The following PRXL2B variants were observed in gnomAD, a reference collection of about 807,000 sequenced individuals.
PRXL2B encodes the protein prostamide/prostaglandin F synthase.
PRXL2B carries 26 observed loss-of-function variants against 24.4 expected under a neutral mutation model. The observed-to-expected ratio is 1.07, with a 90% CI of 0.78 to 1.48. The LOEUF (loss-of-function observed/expected upper bound fraction) is 1.48. Ranked by LOEUF, PRXL2B falls within the 40% of genes most tolerant of loss-of-function variation. The pLI, the probability that PRXL2B is intolerant of heterozygous loss-of-function variation, is 0.00. For missense variants in PRXL2B, 269 were observed against 264.8 expected (o/e 1.02, Z -0.11); for synonymous variants, 115 against 118.9 (o/e 0.97, Z 0.21).
chr1:2,587,086 G>A lies in PRXL2B; in HGVS notation c.64-5G>A, dbSNP rs1337424402. 6.6e-7 allele frequency: 1 copy of A among 1,513,226 alleles called. No individual in the cohort carries two copies. Among genetic ancestry groups the A allele is most frequent in the Non-Finnish European group, 8.8e-7 (1 of 1,138,928 alleles). The allele number at this position is 1,513,226 out of a possible 1,614,324, so 93.7% of individuals were successfully genotyped here. ...GGGCGCGCCCATGACCCAGCCGCCC[G>A]GCAGGCCGTGGAGCTGCGGAGCCTG... On this transcript the variant is annotated splice_region_variant and splice_polypyrimidine_tract_variant and intron_variant, in intron 1 of 6. Coordinates refer to ENST00000419916, the MANE Select transcript of PRXL2B (RefSeq NM_152371.5). The surrounding 1 kb of genome is among the most constrained non-coding windows in gnomAD (Gnocchi z 6.1).
rs1239376124 is a variant in PRXL2B, at chr1:2,586,797, T to A, written c.-89T>A. ...GGGGCGGGGCTTGGGGCTGGATCTA[T>A]GAGCCGGGAGCGGGGATCCAGGAGC... is the stretch of plus-strand genomic sequence containing the variant. On this transcript the variant is annotated 5_prime_UTR_variant, in exon 1 of 7. The change abolishes an upstream ATG in the 5' untranslated region. Transcript: ENST00000419916. 5 of 1,257,516 alleles carry A rather than the reference T, an allele frequency of 4.0e-6. No homozygotes were observed. The highest frequency in any genetic ancestry group is 5.0e-6 in the Non-Finnish European group (5 of 1,003,718). 77.9% of individuals were successfully genotyped at this position (1,257,516 alleles called of 1,614,324 possible).
rs1351450026 is a variant in PRXL2B, at chr1:2,591,211, C to G, written c.*1784C>G. On this transcript the variant is annotated 3_prime_UTR_variant, in exon 7 of 7. Coordinates refer to ENST00000419916, the MANE Select transcript of PRXL2B (RefSeq NM_152371.5). ...GCCTAATGGCTCATGTCAGTATGAG[C>G]AGAAACATTTCAACCATGAGATAAA... 4.5e-6 allele frequency: 3 copies of G among 661,974 alleles called. No individual in the cohort carries two copies. Among genetic ancestry groups the G allele is most frequent in the Admixed American group, 6.2e-5 (2 of 32,034 alleles). 41.0% of individuals were successfully genotyped at this position (661,974 alleles called of 1,614,324 possible).
chr1:2,587,850 C>A lies in PRXL2B; in HGVS notation c.320+58C>A, dbSNP rs1359485970. ...GGGTGGGGGGCCCAGGGGTTCCCAC[C>A]GCTCCCTGCCACCTCCTCTCCCTGC... On this transcript the variant is annotated intron_variant, in intron 3 of 6. Transcript: ENST00000419916. The surrounding 1 kb of genome is among the most constrained non-coding windows in gnomAD (Gnocchi z 6.1). 2.6e-6 allele frequency: 4 copies of A among 1,535,144 alleles called. No individual in the cohort carries two copies. Among genetic ancestry groups the A allele is most frequent in the East Asian group, 2.4e-5 (1 of 41,846 alleles).
Position 2,587,819 on chromosome 1 carries a change from A to C in PRXL2B, c.320+27A>C. 2 of 844,954 alleles carry C rather than the reference A, an allele frequency of 2.4e-6. No homozygotes were observed. Among genetic ancestry groups the C allele is most frequent in the Non-Finnish European group, 3.7e-6 (2 of 546,380 alleles). 52.3% of individuals were successfully genotyped at this position (844,954 alleles called of 1,614,324 possible). On this transcript the variant is annotated intron_variant, in intron 3 of 6. Coordinates refer to ENST00000419916, the MANE Select transcript of PRXL2B (RefSeq NM_152371.5). This position sits in a 1 kb window ranked among gnomAD's most constrained non-coding sequence, Gnocchi z 6.1. ...TGAGTGGGGGCGGGAACCCTTGGGTAGCGTGGGGTGGGGGGCCCAGGGGTT... is the reference window on the plus strand; with the variant it reads ...TGAGTGGGGGCGGGAACCCTTGGGTCGCGTGGGGTGGGGGGCCCAGGGGTT...
At position 2,588,425 on chromosome 1, in the gene PRXL2B, G is replaced by C; in HGVS notation, c.356G>C (p.Gly119Ala). 6.2e-7 allele frequency: 1 copy of C among 1,614,200 alleles called. No individual in the cohort carries two copies. The highest frequency in any genetic ancestry group is 8.5e-7 in the Non-Finnish European group (1 of 1,180,044). Residue 119 changes from glycine (G) to alanine (A), a missense_variant, in exon 4 of 7, where the codon GGG becomes GCG. Gly to Ala is a moderately conservative substitution (Grantham distance 60). Coordinates refer to ENST00000419916, the MANE Select transcript of PRXL2B (RefSeq NM_152371.5). ...NSLSILPAAL[G>A]KPVRDVAAKA... is the part of the protein sequence containing the mutation. ...CTGAGCATCCTCCCAGCAGCTCTGG[G>C]GAAGCCCGTGCGTGATGTGGCTGCC...
Position 2,586,853 on chromosome 1 carries a change from G to C in PRXL2B, c.-33G>C, listed in dbSNP as rs758884215. 2 of 1,285,760 alleles carry C rather than the reference G, an allele frequency of 1.6e-6. No individual in the cohort carries two copies. The allele number at this position is 1,285,760 out of a possible 1,614,324, so 79.6% of individuals were successfully genotyped here. ...GCCGGGAGCGGGGAACAGGGAGTCG[G>C]GGAGCCGGGAACCAGGGCTGGCAGC... On this transcript the variant is annotated 5_prime_UTR_variant, in exon 1 of 7. Coordinates refer to ENST00000419916, the MANE Select transcript of PRXL2B (RefSeq NM_152371.5).
intron 3 of PRXL2B, among the ~76,000 whole-genome samples, chr1:2,588,165 C>T (rs1644573718): frequency 6.6e-6 from 1 of 152,170 alleles, no homozygotes; most frequent in Non-Finnish European, 1.5e-5. Context: ...CATCCATGCT[C>T]CCTGCACCCT....
At position 2,587,828 on chromosome 1, in the gene PRXL2B, T is replaced by TGGGGGGGGGG; in HGVS notation, c.320+42_320+43insGGGGGGGGGG. On this transcript the variant is annotated intron_variant, in intron 3 of 6. Coordinates refer to ENST00000419916, the MANE Select transcript of PRXL2B (RefSeq NM_152371.5). The surrounding 1 kb of genome is among the most constrained non-coding windows in gnomAD (Gnocchi z 6.1). ...GCGGGAACCCTTGGGTAGCGTGGGG[T>TGGGGGGGGGG]GGGGGGCCCAGGGGTTCCCACCGCT... 3 of 558,712 alleles carry TGGGGGGGGGG rather than the reference T, an allele frequency of 5.4e-6. No individual in the cohort carries two copies. Among genetic ancestry groups the TGGGGGGGGGG allele is most frequent in the Non-Finnish European group, 9.4e-6 (3 of 320,606 alleles). 34.6% of individuals were successfully genotyped at this position (558,712 alleles called of 1,614,324 possible).
intron 3 of PRXL2B, among the ~76,000 whole-genome samples, chr1:2,588,110 G>A (rs1644572280): frequency 1.3e-5 from 2 of 152,192 alleles, no homozygotes; most frequent in South Asian, 4.1e-4. Flanking sequence ...TTGCTTGGCA[G>A]TTGCCAGCTG....
chr1:2,586,780 G>C lies in PRXL2B; in HGVS notation c.-106G>C. 2 of 1,251,470 alleles carry C rather than the reference G, an allele frequency of 1.6e-6. No individual in the cohort carries two copies. The allele number at this position is 1,251,470 out of a possible 1,614,324, so 77.5% of individuals were successfully genotyped here. The stretch of plus-strand genomic sequence containing the variant: ...CGGGACCGGGGCATCTCGGGGCGGG[G>C]CTTGGGGCTGGATCTATGAGCCGGG... On this transcript the variant is annotated 5_prime_UTR_variant, in exon 1 of 7. Coordinates refer to ENST00000419916, the MANE Select transcript of PRXL2B (RefSeq NM_152371.5).
chr1:2,586,650 G>A (rs1225176600), upstream of PRXL2B: 1 of 1,009,064 alleles, frequency 9.9e-7, no homozygotes, highest in East Asian at 3.3e-5. Flanking sequence ...GCAGGGCTCG[G>A]GGTGCGGTCG....
rs1214808051 is a variant in PRXL2B at position 2,589,048 on chromosome 1, G to A, written c.579+8G>A. On this transcript the variant is annotated splice_region_variant and intron_variant, in intron 6 of 6. Coordinates refer to ENST00000419916, the MANE Select transcript of PRXL2B (RefSeq NM_152371.5). ...GCCAGCGACCCGCCTCAGGTGAGCT[G>A]GGCCTTGGGGGCGCTGCCTGCCAGC... The A allele has an allele frequency of 6.2e-7, 1 of 1,610,950 alleles. No individual in the cohort carries two copies. The highest frequency in any genetic ancestry group is 1.7e-5 in the Admixed American group (1 of 59,912).
In PRXL2B at chr1:2,587,282, C is replaced by T; in HGVS notation, c.255C>T (p.Asp85=). Residue 85 remains aspartate, a synonymous_variant, in exon 2 of 7, where the codon GAC becomes GAT. Coordinates refer to ENST00000419916, the MANE Select transcript of PRXL2B (RefSeq NM_152371.5). The surrounding 1 kb of genome is among the most constrained non-coding windows in gnomAD (Gnocchi z 6.1). The part of the protein sequence containing the change: ...ALGLQEFLDG[D]YFAGELYLDE... The stretch of plus-strand genomic sequence containing the variant: ...GTCTGCAGGAGTTCCTGGACGGCGA[C>T]TACTTCGCGGGAGGTGCGTCCTGTT... The T allele has an allele frequency of 6.4e-7, 1 of 1,569,772 alleles. No homozygotes were observed. The highest frequency in any genetic ancestry group is 8.6e-7 in the Non-Finnish European group (1 of 1,164,086).
chr1:2,587,889 G>C lies in PRXL2B; in HGVS notation c.320+97G>C. 2 of 1,398,902 alleles carry C rather than the reference G, an allele frequency of 1.4e-6. No individual in the cohort carries two copies. The highest frequency in any genetic ancestry group is 2.5e-5 in the East Asian group (1 of 40,432). 86.7% of individuals were successfully genotyped at this position (1,398,902 alleles called of 1,614,324 possible). A position where few individuals can be genotyped will look rare whatever the true frequency, so the allele number is the denominator to read the frequency against. ...TCCTCTCCCTGCTGCCCTCTGTGGTGCTGTCCACTCGGGCCTTCCTGGGCA... is the reference window on the plus strand; with the variant it reads ...TCCTCTCCCTGCTGCCCTCTGTGGTCCTGTCCACTCGGGCCTTCCTGGGCA... On this transcript the variant is annotated intron_variant, in intron 3 of 6. Transcript: ENST00000419916. The surrounding 1 kb of genome is among the most constrained non-coding windows in gnomAD (Gnocchi z 6.1).
At position 2,588,386 on chromosome 1, in the gene PRXL2B, G is replaced by A. The variant is rs376956428; in HGVS notation, c.321-4G>A. On this transcript the variant is annotated splice_polypyrimidine_tract_variant and splice_region_variant and intron_variant, in intron 3 of 6. Transcript: ENST00000419916. ...TTTGGCCAAGCGACCTGGTGTCTTC[G>A]CAGGTACAACAGCCTGAGCATCCTC... The A allele has an allele frequency of 2.4e-5, 38 of 1,614,018 alleles. 1 individual carries two copies. Among genetic ancestry groups the A allele is most frequent in the Middle Eastern group, 1.6e-4 (1 of 6,084 alleles).
rs749441891 is a variant in PRXL2B at position 2,587,276 on chromosome 1, C to T, written c.249C>T (p.Asp83=). The change falls in exon 2 of 7, where the codon GAC becomes GAT. Residue 83 remains aspartate, a synonymous_variant. Transcript: ENST00000419916. The surrounding 1 kb of genome is among the most constrained non-coding windows in gnomAD (Gnocchi z 6.1). ...PEALGLQEFL[D]GDYFAGELYL... The stretch of plus-strand genomic sequence containing the variant: ...CCCTGGGTCTGCAGGAGTTCCTGGA[C>T]GGCGACTACTTCGCGGGAGGTGCGT... The T allele has an allele frequency of 2.5e-6, 4 of 1,572,488 alleles. No homozygotes were observed. Among genetic ancestry groups the T allele is most frequent in the Non-Finnish European group, 3.4e-6 (4 of 1,165,388 alleles).
chr1:2,589,652 G>GACCA lies in PRXL2B; in HGVS notation c.*225_*226insACCA, dbSNP rs1644632323. On this transcript the variant is annotated 3_prime_UTR_variant, in exon 7 of 7. Transcript: ENST00000419916. ...ACAGCCCCCGCCTTGCTCACTGTTG[G>GACCA]GCCCTCAGGGCGGGCAGGGTGGCTG... The GACCA allele has an allele frequency of 4.9e-6, 3 of 617,586 alleles. No homozygotes were observed. Among genetic ancestry groups the GACCA allele is most frequent in the Non-Finnish European group, 8.5e-6 (3 of 354,910 alleles). 38.3% of individuals were successfully genotyped at this position (617,586 alleles called of 1,614,324 possible). A position where few individuals can be genotyped will look rare whatever the true frequency, so the allele number is the denominator to read the frequency against.
Position 2,589,807 on chromosome 1 carries a change from C to T in PRXL2B, c.*380C>T, listed in dbSNP as rs575077626. On this transcript the variant is annotated 3_prime_UTR_variant, in exon 7 of 7. Coordinates refer to ENST00000419916, the MANE Select transcript of PRXL2B (RefSeq NM_152371.5). ...TTCAAAGGCGACAGACCCAAGCCCA[C>T]GTCAGGAGAGGAGCGTGGGGTCAGC... 3 of 302,308 alleles carry T rather than the reference C, an allele frequency of 9.9e-6. No individual in the cohort carries two copies. Among genetic ancestry groups the T allele is most frequent in the East Asian group, 7.2e-5 (1 of 13,920 alleles). 18.7% of individuals were successfully genotyped at this position (302,308 alleles called of 1,614,324 possible).
chr1:2,588,242 T>C, intron 3 of PRXL2B, 148 bp from the exon 4 acceptor site: 3 of 1,000,516 alleles, frequency 3.0e-6, no homozygotes, highest in Non-Finnish European at 4.5e-6. Flanking sequence ...GGCTGGCTAC[T>C]GATCTGGTCG....
Sources: allele counts gnomAD v4.1 joint callset (sites outside exome capture counted in the v4.1 genomes callset), GRCh38; gene constraint gnomAD v4.1.1; non-coding constraint Gnocchi (gnomAD v3.1); transcripts MANE v1.5; gene names NCBI Gene and HGNC (gene_info 2026-07-23, HGNC 2026-07-21).